The following DMD variants were observed in gnomAD, a reference collection of about 807,000 sequenced individuals.
DMD encodes the protein dystrophin, also known as mutant dystrophin.
A neutral mutation model predicts 330.1 loss-of-function variants in DMD; 63 were observed. The ratio of observed to expected loss-of-function variants is 0.19; its 90% CI spans 0.16 to 0.24. The LOEUF is 0.24. Among genes scored for constraint, DMD ranks in the 10% least tolerant of loss-of-function variants. The pLI, the probability that DMD is intolerant of heterozygous loss-of-function variation, is 1.00. For synonymous variants in DMD, 1,223 were observed against 959.8 expected (o/e 1.27, Z -5.07); for missense variants, 3,344 against 2,684.1 (o/e 1.25, Z -5.43).
At chrX:33,211,151 AG>A in intron 1 of DMD, 130 bp downstream of exon 1, 2 of 692,299 alleles carry the variant, frequency 2.9e-6, no homozygotes, top group Non-Finnish European at 4.3e-6. Context: ...ATATATATGC[AG>A]TATATATAAC....
intron 2 of DMD, among the ~76,000 whole-genome samples, chrX:32,965,737 T>C (rs1048226934): frequency 9.0e-6 from 1 of 111,513 alleles, no homozygotes; most frequent in African/African-American, 3.3e-5. Flanking sequence ...AAAAAATAAA[T>C]GGTCCATGTG....
chrX:32,944,398 A>G (rs1304714583), intron 2 of DMD, among the ~76,000 whole-genome samples: 3 of 111,589 alleles, frequency 2.7e-5, no homozygotes, highest in Admixed American at 9.6e-5. Flanking sequence ...CTTAAGCTTA[A>G]TTATGATTGA....
At chrX:32,452,352 G>T (rs767877215) in intron 26 of DMD, among the ~76,000 whole-genome samples, 122 of 11,384 alleles carry the variant, frequency 0.011, 6 homozygotes, top group Non-Finnish European at 0.017. Context: ...AAAGGGAAAG[G>T]GAAAGGGAAA....
intron 1 of DMD, among the ~76,000 whole-genome samples, chrX:33,254,298 A>G (rs1164954994): frequency 9.9e-6 from 1 of 100,521 alleles, no homozygotes; most frequent in Non-Finnish European, 1.9e-5. Context: ...AAGAGATTTT[A>G]AATATTTGCT....
chrX:31,307,307 T>C (rs918409428), intron 62 of DMD, among the ~76,000 whole-genome samples: 1 of 112,108 alleles, frequency 8.9e-6, no homozygotes, highest in African/African-American at 3.2e-5. Flanking sequence ...ATGCTCTGAA[T>C]CTACCAGTCA....
At chrX:31,928,381 G>C (rs1381393494) in intron 47 of DMD, among the ~76,000 whole-genome samples, 1 of 111,424 alleles carries the variant, frequency 9.0e-6, no homozygotes, top group African/African-American at 3.3e-5. Context: ...AAGGTGGGCG[G>C]ATCACCTGAG....
Position 32,217,133 on chromosome X carries a change from T to C in DMD, c.6291-70A>G, listed in dbSNP as rs111851194. On this transcript the variant is annotated intron_variant, in intron 43 of 78. Coordinates refer to ENST00000357033, the MANE Select transcript of DMD (RefSeq NM_004006.3). ...TAAAACAGATTATAGAGATATAGCG[T>C]ATATTTTTTGGTTATACTGACAAAG... 4.6e-6 allele frequency: 5 copies of C among 1,092,710 alleles called. No individual in the cohort carries two copies. In the African/African-American group the frequency reaches 7.3e-5, roughly 16 times the overall value. 90.1% of individuals were successfully genotyped at this position (1,092,710 alleles called of 1,213,427 possible).
intron 64 of DMD, among the ~76,000 whole-genome samples, chrX:31,212,365 G>A (rs185291664): frequency 9.1e-6 from 1 of 109,779 alleles, no homozygotes; most frequent in Non-Finnish European, 1.9e-5. Context: ...TGAGGGCTGT[G>A]GGGGTGAGAG....
At chrX:31,980,593 T>G (rs1311770684) in intron 44 of DMD, among the ~76,000 whole-genome samples, 1 of 111,639 alleles carries the variant, frequency 9.0e-6, no homozygotes, top group Non-Finnish European at 1.9e-5. Flanking sequence ...AGGTGTCACT[T>G]TATCAGTGGG....
At chrX:32,243,032 AAAAG>A (rs1408116222) in intron 43 of DMD, among the ~76,000 whole-genome samples, 1 of 108,556 alleles carries the variant, frequency 9.2e-6, no homozygotes, top group Admixed American at 1.0e-4. Context: ...AGAAGTAAAG[AAAAG>A]AAAGAAAAAA....
At chrX:31,201,158 T>TACAC (rs57235865) in intron 67 of DMD, among the ~76,000 whole-genome samples, 6,791 of 98,202 alleles carry the variant, frequency 0.069, 229 homozygotes, top group Middle Eastern at 0.1. Context: ...AGAGACCCTG[T>TACAC]ACACACACAC....
intron 52 of DMD, among the ~76,000 whole-genome samples, chrX:31,723,375 T>C (rs1272959930): frequency 9.0e-6 from 1 of 111,122 alleles, no homozygotes; most frequent in Non-Finnish European, 1.9e-5. Flanking sequence ...AATCAACTCC[T>C]TATCCTGAGT....
intron 13 of DMD, among the ~76,000 whole-genome samples, chrX:32,586,974 T>C (rs2054357768): frequency 8.9e-6 from 1 of 111,809 alleles, no homozygotes; most frequent in Admixed American, 9.5e-5. Context: ...TTTTTTTAAA[T>C]GCATTTAATT....
intron 2 of DMD, among the ~76,000 whole-genome samples, chrX:32,957,687 G>A (rs1182681030): frequency 2.7e-5 from 3 of 111,972 alleles, no homozygotes; most frequent in African/African-American, 9.7e-5. Context: ...AAAAATGAAA[G>A]CAAAGAGACA....
intron 2 of DMD, among the ~76,000 whole-genome samples, chrX:32,864,346 G>A (rs1209770803): frequency 8.9e-6 from 1 of 112,257 alleles, no homozygotes; most frequent in Non-Finnish European, 1.9e-5. Context: ...TGTATCTACA[G>A]ATCTCTACAC....
chrX:32,132,619 C>A (rs1027463167), intron 44 of DMD, among the ~76,000 whole-genome samples: 21 of 111,148 alleles, frequency 1.9e-4, no homozygotes, highest in African/African-American at 6.9e-4. Context: ...CTCACAACAT[C>A]TTTTTTCATC....
chrX:32,861,714 T>C (rs1022119323), intron 2 of DMD, among the ~76,000 whole-genome samples: 2 of 111,725 alleles, frequency 1.8e-5, no homozygotes, highest in African/African-American at 6.5e-5. Context: ...TCTCCCTCTC[T>C]TACCAAGGCT....
intron 63 of DMD, among the ~76,000 whole-genome samples, chrX:31,224,773 G>A (rs956534824): frequency 2.4e-4 from 27 of 112,309 alleles, no homozygotes; most frequent in African/African-American, 8.7e-4. Context: ...TTGTGGTAAA[G>A]TCATTCAGTG....
At chrX:33,220,435 T>C (rs1426257744) in intron 1 of DMD, among the ~76,000 whole-genome samples, 4 of 111,962 alleles carry the variant, frequency 3.6e-5, no homozygotes, top group African/African-American at 3.2e-5. Context: ...CAACCCTACA[T>C]CTCTGAACTT....
Sources: gnomAD v4.1 joint callset for allele counts (sites outside exome capture counted in the v4.1 genomes callset) on GRCh38, gnomAD v4.1.1 for gene constraint, MANE v1.5 for transcripts, NCBI Gene and HGNC (gene_info 2026-07-23, HGNC 2026-07-21) for gene names.